The following DNAJC17 variants were observed in gnomAD, a reference collection of about 807,000 sequenced individuals.
The protein encoded by DNAJC17 is DnaJ heat shock protein family (Hsp40) member C17.
DNAJC17 carries 35 observed loss-of-function variants against 48.1 expected under a neutral mutation model. That is an observed-to-expected ratio of 0.73 (90% CI 0.56 to 0.96). The LOEUF (loss-of-function observed/expected upper bound fraction) is 0.96, where lower values mean the gene tolerates loss of function less well. Ranked by LOEUF, DNAJC17 falls within the 50% of genes least tolerant of loss-of-function variation. DNAJC17 has a pLI of 0.00. For synonymous variants in DNAJC17, 117 were observed against 142.7 expected (o/e 0.82, Z 1.28); for missense variants, 355 against 377.1 (o/e 0.94, Z 0.48).
intron 10 of DNAJC17, chr15:40,771,457 T>C (rs1889139023): frequency 1.0e-5 from 2 of 194,434 alleles, no homozygotes; most frequent in Admixed American, 1.1e-4. Flanking sequence ...GCCAGCCTCT[T>C]TGGAAGCCAC....
At position 40,807,392 on chromosome 15, in the gene DNAJC17, CAA is replaced by C; in HGVS notation, c.53_54del (p.Ile18ArgfsTer14). Reference protein sequence around the residue: ...LQMDLYALLGIEEKAADKEVK... With the variant: ...LQMDLYALLGXEEKAADKEVK... ...ACCTCTTTGTCCGCTGCCTTCTCCTCAATGCCTAGCAGCGCGTACAGGTCCAT... is the reference window on the plus strand; with the variant it reads ...ACCTCTTTGTCCGCTGCCTTCTCCTCTGCCTAGCAGCGCGTACAGGTCCAT... On this transcript the variant is annotated frameshift_variant, in exon 1 of 11. Transcript: ENST00000220496. LOFTEE classifies it high-confidence loss of function. 6.2e-7 allele frequency: 1 copy of C among 1,614,272 alleles called. No homozygotes were observed. Among genetic ancestry groups the C allele is most frequent in the Non-Finnish European group, 8.5e-7 (1 of 1,180,050 alleles).
chr15:40,800,777 A>G (rs1317914370), intron 1 of DNAJC17, among the ~76,000 whole-genome samples: 1 of 151,580 alleles, frequency 6.6e-6, no homozygotes, highest in Non-Finnish European at 1.5e-5. Flanking sequence ...AGGCCAAGAG[A>G]GTGAAACCAC....
At chr15:40,773,664 G>A in intron 10 of DNAJC17, 63 bp downstream of exon 10, 1 of 1,334,810 alleles carries the variant, frequency 7.5e-7, no homozygotes, top group Non-Finnish European at 1.0e-6. Context: ...GAGCCTGAGA[G>A]GAGCCCAGGT....
chr15:40,770,877 C>T lies in DNAJC17; in HGVS notation c.793-2815G>A. ...CCTCCACCAGCACTCAGAGAAGGGCCTTGTGGACACTCCCTGCTTCCAGAG... is the reference window on the plus strand; with the variant it reads ...CCTCCACCAGCACTCAGAGAAGGGCTTTGTGGACACTCCCTGCTTCCAGAG... On this transcript the variant is annotated intron_variant, in intron 10 of 10. Transcript: ENST00000220496. The surrounding 1 kb of genome is among the most constrained non-coding windows in gnomAD (Gnocchi z 5.0). 1.9e-6 allele frequency: 3 copies of T among 1,551,536 alleles called. No individual in the cohort carries two copies. The highest frequency in any genetic ancestry group is 2.6e-6 in the Non-Finnish European group (3 of 1,147,016).
chr15:40,767,958 C>T lies in DNAJC17; in HGVS notation c.897G>A (p.Gln299=), dbSNP rs201018452. The T allele has an allele frequency of 3.1e-5, 50 of 1,613,062 alleles. No homozygotes were observed. In the African/African-American group the frequency reaches 3.6e-4, roughly 12 times the overall value. The change falls in exon 11 of 11, where the codon CAG becomes CAA. Residue 299 remains glutamine, a synonymous_variant. Coordinates refer to ENST00000220496, the MANE Select transcript of DNAJC17 (RefSeq NM_018163.3). ...GCTGGGGCTACGTAGGCGGCCCCTC[C>T]TGGTCTTCCTGCTGCATCCGTGCGA... ...QLIARMQQED[Q]EGPPT
At position 40,776,620 on chromosome 15, in the gene DNAJC17, C is replaced by T; in HGVS notation, c.303G>A (p.Glu101=). 1 of 1,613,976 alleles carries T rather than the reference C, an allele frequency of 6.2e-7. No homozygotes were observed. Among genetic ancestry groups the T allele is most frequent in the Non-Finnish European group, 8.5e-7 (1 of 1,179,996 alleles). The change falls in exon 5 of 11, where the codon GAG becomes GAA. Residue 101 remains glutamate, a synonymous_variant. Coordinates refer to ENST00000220496, the MANE Select transcript of DNAJC17 (RefSeq NM_018163.3). ...GGGCCTGGGCCTGCCGCTCCCGGGC[C>T]TCCAGGTCTAGACACAAGGGTTGAA... The part of the protein sequence containing the change: ...EKRKKVKLDL[E]ARERQAQAQE...
In DNAJC17 at chr15:40,770,906, A is replaced by G; in HGVS notation, c.792+2821T>C. ...TGGACACTCCCTGCTTCCAGAGGACACCTACCCCAGACCTCAGTGATCCCT... is the reference window on the plus strand; with the variant it reads ...TGGACACTCCCTGCTTCCAGAGGACGCCTACCCCAGACCTCAGTGATCCCT... On this transcript the variant is annotated intron_variant, in intron 10 of 10. Coordinates refer to ENST00000220496, the MANE Select transcript of DNAJC17 (RefSeq NM_018163.3). The surrounding 1 kb of genome is among the most constrained non-coding windows in gnomAD (Gnocchi z 5.0). 6 of 1,551,414 alleles carry G rather than the reference A, an allele frequency of 3.9e-6. No individual in the cohort carries two copies. Among genetic ancestry groups the G allele is most frequent in the Non-Finnish European group, 5.2e-6 (6 of 1,146,994 alleles).
chr15:40,802,278 C>A (rs1890096501), intron 1 of DNAJC17, among the ~76,000 whole-genome samples: 1 of 151,188 alleles, frequency 6.6e-6, no homozygotes, highest in Non-Finnish European at 1.5e-5. Context: ...TCAAGCGATT[C>A]TCCTGCCTCA....
At chr15:40,780,769 G>A (rs951230177) in intron 1 of DNAJC17, among the ~76,000 whole-genome samples, 1 of 151,146 alleles carries the variant, frequency 6.6e-6, no homozygotes, top group Non-Finnish European at 1.5e-5. Context: ...AGCCGAAATC[G>A]CACCACTACA....
At chr15:40,786,012 T>G (rs1026853360) in intron 1 of DNAJC17, among the ~76,000 whole-genome samples, 4 of 152,226 alleles carry the variant, frequency 2.6e-5, no homozygotes, top group African/African-American at 9.7e-5. Context: ...GGCCTAGAAT[T>G]TGGTGCTTTG....
In DNAJC17 at chr15:40,770,628, G is replaced by C; in HGVS notation, c.793-2566C>G. ...CAGCACAGCAGGTGGGGACCACGAG[G>C]AGTACAGCAACCGAGAAGTCATCCG... On this transcript the variant is annotated intron_variant, in intron 10 of 10. Coordinates refer to ENST00000220496, the MANE Select transcript of DNAJC17 (RefSeq NM_018163.3). The surrounding 1 kb of genome is among the most constrained non-coding windows in gnomAD (Gnocchi z 5.0). 1 of 1,550,576 alleles carries C rather than the reference G, an allele frequency of 6.4e-7. No individual in the cohort carries two copies. Among genetic ancestry groups the C allele is most frequent in the South Asian group, 1.2e-5 (1 of 84,066 alleles).
intron 10 of DNAJC17, 141 bp from the exon 11 acceptor site, chr15:40,768,203 T>A (rs968238607): frequency 8.3e-7 from 1 of 1,208,396 alleles, no homozygotes; most frequent in African/African-American, 1.6e-5. Context: ...ACCCGGAGCA[T>A]CCTTTTGGAA....
At chr15:40,777,666 C>T (rs914312066) in intron 4 of DNAJC17, among the ~76,000 whole-genome samples, 17 of 150,666 alleles carry the variant, frequency 1.1e-4, no homozygotes, top group Admixed American at 4.6e-4. Context: ...TGAAGTGAGC[C>T]GAGATCGTGC....
intron 1 of DNAJC17, among the ~76,000 whole-genome samples, chr15:40,797,850 T>C (rs187478130): frequency 2.7e-4 from 40 of 149,726 alleles, no homozygotes; most frequent in Non-Finnish European, 4.7e-4. Flanking sequence ...CCCCCCTGGG[T>C]AGGTGGGATT....
rs1889104521 is a variant in DNAJC17 at position 40,770,618 on chromosome 15, G to A, written c.793-2556C>T. The A allele has an allele frequency of 6.4e-7, 1 of 1,550,644 alleles. No individual in the cohort carries two copies. The highest frequency in any genetic ancestry group is 1.4e-5 in the African/African-American group (1 of 73,180). On this transcript the variant is annotated intron_variant, in intron 10 of 10. Transcript: ENST00000220496. This position sits in a 1 kb window ranked among gnomAD's most constrained non-coding sequence, Gnocchi z 5.0. ...TTAGCCAGGCCAGCACAGCAGGTGG[G>A]GACCACGAGGAGTACAGCAACCGAG...
intron 1 of DNAJC17, among the ~76,000 whole-genome samples, chr15:40,791,172 TA>T (rs1467761229): frequency 6.6e-6 from 1 of 152,074 alleles, no homozygotes; most frequent in East Asian, 1.9e-4. Flanking sequence ...ACCCTGCCTC[TA>T]AAAAACCATA....
intron 1 of DNAJC17, among the ~76,000 whole-genome samples, chr15:40,793,297 A>G (rs890463586): frequency 3.9e-5 from 6 of 152,050 alleles, no homozygotes; most frequent in Admixed American, 6.6e-5. Flanking sequence ...TTCTTACAGC[A>G]TTTTCTTATA....
rs1889103606 is a variant in DNAJC17 at position 40,770,596 on chromosome 15, G to A, written c.793-2534C>T. 6.4e-7 allele frequency: 1 copy of A among 1,550,726 alleles called. No homozygotes were observed. Among genetic ancestry groups the A allele is most frequent in the Non-Finnish European group, 8.7e-7 (1 of 1,146,974 alleles). On this transcript the variant is annotated intron_variant, in intron 10 of 10. Transcript: ENST00000220496. The surrounding 1 kb of genome is among the most constrained non-coding windows in gnomAD (Gnocchi z 5.0). ...CTCCGGCGACAGAGTAGTGTGCTTA[G>A]CCAGGCCAGCACAGCAGGTGGGGAC...
rs530790007 is a variant in DNAJC17 at position 40,765,696 on chromosome 15, G to A, written c.*2244C>T. 5.8e-5 allele frequency: 26 copies of A among 447,134 alleles called. No individual in the cohort carries two copies. In the South Asian group the frequency reaches 6.5e-4, roughly 11 times the overall value. The allele number at this position is 447,134 out of a possible 1,614,324, so 27.7% of individuals were successfully genotyped here. ...TTCACAGCTTGTGCTCAGCCCCTAA[G>A]AATCCTTGCTACTCTCTGTAGCCTT... is the stretch of plus-strand genomic sequence containing the variant. On this transcript the variant is annotated 3_prime_UTR_variant, in exon 11 of 11. Transcript: ENST00000220496.
Sources: allele counts gnomAD v4.1 joint callset (sites outside exome capture counted in the v4.1 genomes callset), GRCh38; gene constraint gnomAD v4.1.1; non-coding constraint Gnocchi (gnomAD v3.1); transcripts MANE v1.5; gene names NCBI Gene and HGNC (gene_info 2026-07-23, HGNC 2026-07-21).